Variants in SGCZ observed in about 807,000 individuals in gnomAD.
The protein encoded by SGCZ is sarcoglycan zeta, also known as zeta-sarcoglycan.
Under a neutral mutation model 41.3 loss-of-function variants are expected in SGCZ, and 40 were observed. The ratio of observed to expected loss-of-function variants is 0.97; its 90% CI spans 0.75 to 1.26. SGCZ has a LOEUF of 1.26. Among genes scored for constraint, SGCZ ranks in the 50% most tolerant of loss-of-function variants. SGCZ has a pLI of 0.00. For synonymous variants in SGCZ, 206 were observed against 137.5 expected (o/e 1.50, Z -3.49); for missense variants, 552 against 369.8 (o/e 1.49, Z -4.04).
At chr8:14,440,162 G>A (rs1483650592) in intron 2 of SGCZ, among the ~76,000 whole-genome samples, 1 of 151,880 alleles carries the variant, frequency 6.6e-6, no homozygotes, top group African/African-American at 2.4e-5. Context: ...CAAGGTGTTT[G>A]TTTTTGTTTG....
chr8:14,260,661 G>A (rs865819020), intron 3 of SGCZ, among the ~76,000 whole-genome samples: 18 of 151,862 alleles, frequency 1.2e-4, no homozygotes, highest in South Asian at 8.3e-4. Flanking sequence ...TGTTTATTGC[G>A]GCATTATTCT....
chr8:14,456,060 T>C (rs1468143393), intron 2 of SGCZ, among the ~76,000 whole-genome samples: 1 of 152,178 alleles, frequency 6.6e-6, no homozygotes, highest in Non-Finnish European at 1.5e-5. Flanking sequence ...AATTAGATCA[T>C]GGTGACGCTT....
At chr8:14,457,560 G>A (rs1800783506) in intron 2 of SGCZ, among the ~76,000 whole-genome samples, 1 of 152,206 alleles carries the variant, frequency 6.6e-6, no homozygotes, top group Admixed American at 6.5e-5. Flanking sequence ...GTGATGCTGT[G>A]CTTCAGTGGT....
At chr8:14,122,363 A>C (rs1802726162) in intron 5 of SGCZ, among the ~76,000 whole-genome samples, 1 of 152,208 alleles carries the variant, frequency 6.6e-6, no homozygotes, top group African/African-American at 2.4e-5. Flanking sequence ...ATGAGAGGGC[A>C]AAATAACAAA....
At chr8:14,191,033 G>C (rs1023658174) in intron 4 of SGCZ, among the ~76,000 whole-genome samples, 1 of 152,156 alleles carries the variant, frequency 6.6e-6, no homozygotes, top group Non-Finnish European at 1.5e-5. Context: ...TTTGATATTA[G>C]CCATCCTGAC....
At chr8:14,533,023 C>G (rs1293707813) in intron 2 of SGCZ, among the ~76,000 whole-genome samples, 1 of 151,926 alleles carries the variant, frequency 6.6e-6, no homozygotes, top group African/African-American at 2.4e-5. Flanking sequence ...ACTTTAAGTT[C>G]TAGTGTACAT....
intron 2 of SGCZ, among the ~76,000 whole-genome samples, chr8:14,467,304 C>A (rs1014473305): frequency 1.3e-5 from 2 of 151,968 alleles, no homozygotes; most frequent in Non-Finnish European, 2.9e-5. Context: ...CCTTTTAATT[C>A]CGTGAAAGTC....
rs1808023433 is a variant in SGCZ, at chr8:14,669,380, AGT to A, written c.40-114456_40-114455del. Among the ~76,000 whole-genome samples, 7 of 108,020 alleles carry A rather than the reference AGT, an allele frequency of 6.5e-5. No homozygotes were observed. The South Asian group carries it at 7.8e-4, about 12-fold the overall frequency. 70.9% of individuals were successfully genotyped at this position (108,020 alleles called of 152,430 possible). A position where few individuals can be genotyped will look rare whatever the true frequency, so the allele number is the denominator to read the frequency against. On this transcript the variant is annotated intron_variant, in intron 1 of 7. Transcript: ENST00000382080. ...CTCTAAGTAAGTAAGTAAGTAAGTA[AGT>A]AAGTAAATAAATAAATAAATAAATA...
At chr8:14,343,404 C>G (rs952860439) in intron 2 of SGCZ, among the ~76,000 whole-genome samples, 3 of 152,180 alleles carry the variant, frequency 2.0e-5, no homozygotes, top group Non-Finnish European at 4.4e-5. Flanking sequence ...CATTTAATTC[C>G]AGGTCTGTCA....
chr8:14,823,863 T>A (rs76513394), intron 1 of SGCZ, among the ~76,000 whole-genome samples: 7 of 152,244 alleles, frequency 4.6e-5, no homozygotes, highest in African/African-American at 1.7e-4. Flanking sequence ...AAAGATTATA[T>A]GGAATAGATA....
At chr8:14,579,586 G>T (rs920822572) in intron 1 of SGCZ, among the ~76,000 whole-genome samples, 3 of 152,142 alleles carry the variant, frequency 2.0e-5, no homozygotes, top group Non-Finnish European at 4.4e-5. Context: ...GAATATACAG[G>T]TTCAGGGAAC....
At chr8:15,232,689 ATG>A (rs1491233677) in intron 1 of SGCZ, among the ~76,000 whole-genome samples, 1 of 122,614 alleles carries the variant, frequency 8.2e-6, no homozygotes, top group Non-Finnish European at 1.9e-5. Flanking sequence ...ATATATATAT[ATG>A]TGTGTATATA....
intron 2 of SGCZ, among the ~76,000 whole-genome samples, chr8:14,396,571 G>A (rs766040732): frequency 1.7e-4 from 26 of 151,716 alleles, no homozygotes; most frequent in Non-Finnish European, 3.7e-4. Context: ...CTAGGGTCTC[G>A]GTGCTAGGGA....
rs112750604 is a variant in SGCZ at position 15,004,171 on chromosome 8, C to T, written c.39+233414G>A. 2.5e-3 allele frequency among the ~76,000 whole-genome samples: 380 copies of T among 152,214 alleles called. 3 individuals carry two copies. Among genetic ancestry groups the T allele is most frequent in the African/African-American group, 8.6e-3 (356 of 41,522 alleles). ...TAACGTGCCAGAATGGAGCTAGATA[C>T]ATGCTGTTAAGGACGGCAAGAGGAG... On this transcript the variant is annotated intron_variant, in intron 1 of 7. Transcript: ENST00000382080.
At position 14,865,571 on chromosome 8, in the gene SGCZ, C is replaced by T. The variant is rs187127303; in HGVS notation, c.40-310645G>A. On this transcript the variant is annotated intron_variant, in intron 1 of 7. Transcript: ENST00000382080. ...TTGGAATGCAGGTATAAGCATGACA[C>T]GTTTTGCATTCTCCACGAATTAACC... Among the ~76,000 whole-genome samples the T allele has an allele frequency of 1.9e-4, 29 of 152,190 alleles. No homozygotes were observed. The East Asian group carries it at 5.2e-3, about 27-fold the overall frequency.
chr8:14,717,212 A>G (rs905009947), intron 1 of SGCZ, among the ~76,000 whole-genome samples: 1 of 152,102 alleles, frequency 6.6e-6, no homozygotes, highest in Admixed American at 6.6e-5. Flanking sequence ...GAAACATTCA[A>G]TACCATCAAT....
chr8:14,840,924 T>C (rs909281536), intron 1 of SGCZ, among the ~76,000 whole-genome samples: 1 of 152,130 alleles, frequency 6.6e-6, no homozygotes, highest in Non-Finnish European at 1.5e-5. Context: ...TTTGGGACTC[T>C]ACTATAGCTT....
At chr8:14,695,320 A>G (rs189419426) in intron 1 of SGCZ, among the ~76,000 whole-genome samples, 21 of 152,328 alleles carry the variant, frequency 1.4e-4, no homozygotes, top group African/African-American at 4.3e-4. Context: ...AAACTCTTAA[A>G]GAATACACAA....
At chr8:14,736,200 CA>C (rs1448634273) in intron 1 of SGCZ, among the ~76,000 whole-genome samples, 1 of 152,042 alleles carries the variant, frequency 6.6e-6, no homozygotes, top group Non-Finnish European at 1.5e-5. Flanking sequence ...TGTAGAGGTT[CA>C]TACAGTAAAC....
Sources: allele counts gnomAD v4.1 joint callset (sites outside exome capture counted in the v4.1 genomes callset), GRCh38; gene constraint gnomAD v4.1.1; transcripts MANE v1.5; gene names NCBI Gene and HGNC (gene_info 2026-07-23, HGNC 2026-07-21).